The following EYS variants were observed in gnomAD, a reference collection of about 807,000 sequenced individuals.
EYS encodes protein eyes shut homolog.
EYS carries 250 observed loss-of-function variants against 282.1 expected under a neutral mutation model. The observed-to-expected ratio is 0.89, with a 90% confidence interval of 0.80 to 0.98. The LOEUF is 0.98. Ranked by LOEUF, EYS falls within the 50% of genes least tolerant of loss-of-function variation. EYS has a pLI of 0.00. For synonymous variants in EYS, 1,355 were observed against 1,282.9 expected (o/e 1.06, Z -1.20); for missense variants, 4,016 against 3,709.0 (o/e 1.08, Z -2.15).
At chr6:64,105,367 TC>T (rs1772973175) in intron 31 of EYS, among the ~76,000 whole-genome samples, 1 of 152,038 alleles carries the variant, frequency 6.6e-6, no homozygotes, top group Non-Finnish European at 1.5e-5. Flanking sequence ...TGCATATACT[TC>T]CTGTCCCTAC....
intron 35 of EYS, among the ~76,000 whole-genome samples, chr6:63,982,838 A>G (rs1408387754): frequency 6.6e-6 from 1 of 151,788 alleles, no homozygotes; most frequent in African/African-American, 2.4e-5. Context: ...AACTTCTGTA[A>G]TTTCATCAGT....
intron 31 of EYS, among the ~76,000 whole-genome samples, chr6:64,144,366 A>G (rs571099718): frequency 4.2e-4 from 64 of 152,316 alleles, no homozygotes; most frequent in African/African-American, 1.4e-3. Flanking sequence ...TTCTTTAGCC[A>G]GGTTAGAGAA....
chr6:64,796,626 C>A (rs553401751), intron 22 of EYS, among the ~76,000 whole-genome samples: 1 of 152,102 alleles, frequency 6.6e-6, no homozygotes, highest in Non-Finnish European at 1.5e-5. Context: ...AAATATCAGA[C>A]CGATACACAC....
At chr6:64,524,242 T>A (rs1465037135) in intron 26 of EYS, among the ~76,000 whole-genome samples, 1 of 151,772 alleles carries the variant, frequency 6.6e-6, no homozygotes, top group Non-Finnish European at 1.5e-5. Flanking sequence ...AATTTTTACA[T>A]ATAAAATGTT....
At chr6:65,674,251 A>C (rs2149834299) in intron 1 of EYS, among the ~76,000 whole-genome samples, 1 of 151,926 alleles carries the variant, frequency 6.6e-6, no homozygotes, top group Middle Eastern at 3.4e-3. Flanking sequence ...AAAACTTCCC[A>C]AATTGGGGCA....
intron 12 of EYS, among the ~76,000 whole-genome samples, chr6:65,157,900 G>T (rs1008380872): frequency 6.6e-6 from 1 of 150,694 alleles, no homozygotes; most frequent in Non-Finnish European, 1.5e-5. Context: ...CCTATATCAT[G>T]TATAGCGTAT....
intron 19 of EYS, among the ~76,000 whole-genome samples, chr6:64,884,144 C>A (rs1254715553): frequency 1.3e-5 from 2 of 151,500 alleles, no homozygotes; most frequent in Non-Finnish European, 3.0e-5. Context: ...CTTTCCTGGT[C>A]AGAGTCTTGA....
intron 29 of EYS, among the ~76,000 whole-genome samples, chr6:64,318,962 G>A (rs2150382986): frequency 6.6e-6 from 1 of 151,260 alleles, no homozygotes. Flanking sequence ...ACCAATTATT[G>A]CTGACTTATA....
At chr6:64,588,618 A>T (rs184634979) in intron 26 of EYS, among the ~76,000 whole-genome samples, 1 of 152,062 alleles carries the variant, frequency 6.6e-6, no homozygotes, top group Admixed American at 6.6e-5. Context: ...TTTAGGCCCA[A>T]TGCTGGTTTT....
intron 35 of EYS, among the ~76,000 whole-genome samples, chr6:63,912,251 T>G (rs1355497068): frequency 6.6e-6 from 1 of 152,170 alleles, no homozygotes; most frequent in Non-Finnish European, 1.5e-5. Flanking sequence ...TGCTAGGATT[T>G]TTCACTGGCT....
intron 8 of EYS, among the ~76,000 whole-genome samples, chr6:65,379,069 A>G (rs1368283989): frequency 6.6e-6 from 1 of 151,806 alleles, no homozygotes; most frequent in Non-Finnish European, 1.5e-5. Flanking sequence ...TAAATAAATA[A>G]AATAAAACAG....
intron 22 of EYS, among the ~76,000 whole-genome samples, chr6:64,702,677 A>G (rs886491580): frequency 5.9e-5 from 9 of 152,234 alleles, no homozygotes; most frequent in African/African-American, 9.6e-5. Flanking sequence ...AAGTGCCATA[A>G]AAAGAATACA....
chr6:64,486,114 G>A (rs960972073), intron 26 of EYS, among the ~76,000 whole-genome samples: 6 of 151,216 alleles, frequency 4.0e-5, no homozygotes, highest in Admixed American at 6.6e-5. Flanking sequence ...GTGAATACAG[G>A]GTTTGTAATA....
chr6:65,125,902 A>G (rs1197663396), intron 12 of EYS, among the ~76,000 whole-genome samples: 1 of 152,104 alleles, frequency 6.6e-6, no homozygotes, highest in Non-Finnish European at 1.5e-5. Flanking sequence ...CTCTTGGGGT[A>G]TGTGTGGCTT....
chr6:65,660,052 T>G (rs935750549), intron 1 of EYS, among the ~76,000 whole-genome samples: 1 of 151,486 alleles, frequency 6.6e-6, no homozygotes, highest in East Asian at 2.0e-4. Context: ...TGACAGGGTA[T>G]AGTGCAAAAT....
chr6:63,870,586 C>T (rs1772777294), intron 35 of EYS, among the ~76,000 whole-genome samples: 1 of 152,106 alleles, frequency 6.6e-6, no homozygotes, highest in African/African-American at 2.4e-5. Context: ...CAAATCTTTA[C>T]ACTCCAATTT....
chr6:65,028,363 C>T (rs1772487563), intron 13 of EYS, among the ~76,000 whole-genome samples: 1 of 151,518 alleles, frequency 6.6e-6, no homozygotes, highest in South Asian at 2.1e-4. Flanking sequence ...TTTTGTGAAA[C>T]ATTTTAGAGG....
intron 33 of EYS, among the ~76,000 whole-genome samples, chr6:64,061,445 T>G (rs1245680114): frequency 6.6e-6 from 1 of 152,198 alleles, no homozygotes; most frequent in Non-Finnish European, 1.5e-5. Flanking sequence ...TGAATTACAG[T>G]GTACCTGTAG....
chr6:64,618,147 T>G (rs745931264), intron 23 of EYS, among the ~76,000 whole-genome samples: 1 of 152,164 alleles, frequency 6.6e-6, no homozygotes, highest in African/African-American at 2.4e-5. Flanking sequence ...ACAGTTTGAT[T>G]GTATGTATTT....
Sources: allele counts gnomAD v4.1 joint callset (sites outside exome capture counted in the v4.1 genomes callset), GRCh38; gene constraint gnomAD v4.1.1; transcripts MANE v1.5; gene names NCBI Gene and HGNC (gene_info 2026-07-23, HGNC 2026-07-21).